Variants in PPP1R1C observed in about 807,000 individuals in gnomAD.
PPP1R1C encodes the protein protein phosphatase 1 regulatory subunit 1C.
In PPP1R1C, 15 loss-of-function variants were observed where a neutral mutation model predicts 17.4. The observed-to-expected ratio is 0.86, with a 90% CI of 0.58 to 1.33. The LOEUF is 1.33. PPP1R1C is among the 40% of genes most tolerant of loss of function. The pLI is 0.00. For missense variants in PPP1R1C, 143 were observed against 130.0 expected (o/e 1.10, Z -0.48); for synonymous variants, 35 against 43.1 (o/e 0.81, Z 0.73).
At chr2:182,078,210 T>A (rs1415629734) in intron 4 of PPP1R1C, among the ~76,000 whole-genome samples, 1 of 152,102 alleles carries the variant, frequency 6.6e-6, no homozygotes, top group Non-Finnish European at 1.5e-5. Flanking sequence ...TGGTATGAAA[T>A]GGGGTTAAAC....
At chr2:181,955,745 A>G (rs1684659957) in intron 1 of PPP1R1C, among the ~76,000 whole-genome samples, 1 of 152,222 alleles carries the variant, frequency 6.6e-6, no homozygotes, top group Non-Finnish European at 1.5e-5. Context: ...TTTTTCATAA[A>G]TAACACTTTT....
intron 4 of PPP1R1C, among the ~76,000 whole-genome samples, chr2:182,094,156 G>A (rs1688864102): frequency 6.6e-6 from 1 of 152,186 alleles, no homozygotes; most frequent in Non-Finnish European, 1.5e-5. Flanking sequence ...TGGAAGGCAA[G>A]GAGGAGCAAG....
chr2:182,105,089 T>C (rs537316075), intron 4 of PPP1R1C, among the ~76,000 whole-genome samples: 1 of 151,840 alleles, frequency 6.6e-6, no homozygotes, highest in African/African-American at 2.4e-5. Flanking sequence ...GGAAAAAAAA[T>C]GAAGGTTGAA....
chr2:181,997,207 C>T (rs1479018887), intron 2 of PPP1R1C, among the ~76,000 whole-genome samples: 5 of 140,856 alleles, frequency 3.5e-5, no homozygotes, highest in Non-Finnish European at 6.0e-5. Context: ...CCAGCCTGGG[C>T]GACAGAGCAA....
intron 4 of PPP1R1C, among the ~76,000 whole-genome samples, chr2:182,066,141 A>G (rs1687976731): frequency 6.6e-6 from 1 of 152,138 alleles, no homozygotes; most frequent in Non-Finnish European, 1.5e-5. Context: ...CATTGTTGGC[A>G]AATAGTGAGC....
rs756692250 is a variant in PPP1R1C at position 181,986,267 on chromosome 2, G to T, written c.81+76G>T. 8.4e-6 allele frequency: 10 copies of T among 1,185,386 alleles called. No homozygotes were observed. In the Admixed American group the frequency reaches 1.1e-4, roughly 13 times the overall value. 73.4% of individuals were successfully genotyped at this position (1,185,386 alleles called of 1,614,324 possible). On this transcript the variant is annotated intron_variant, in intron 1 of 4. Transcript: ENST00000682840. ...ATGCATTCTGGTTATTAATTGAAAG[G>T]TTCTTTACCTTTTGATTTTGCTAAC...
At chr2:182,033,644 G>A (rs1162601655) in intron 2 of PPP1R1C, among the ~76,000 whole-genome samples, 2 of 151,942 alleles carry the variant, frequency 1.3e-5, no homozygotes, top group Non-Finnish European at 2.9e-5. Context: ...CGATAACCTT[G>A]TCTCACTCCT....
chr2:182,094,044 A>G (rs1052810419), intron 4 of PPP1R1C, among the ~76,000 whole-genome samples: 1 of 152,158 alleles, frequency 6.6e-6, no homozygotes, highest in Non-Finnish European at 1.5e-5. Context: ...ATGAAGACAT[A>G]CCAGAGACTG....
At chr2:182,113,093 G>T (rs1559098049) in intron 4 of PPP1R1C, among the ~76,000 whole-genome samples, 5 of 152,126 alleles carry the variant, frequency 3.3e-5, no homozygotes. Flanking sequence ...CTTAATGCAG[G>T]AATTATCTAT....
upstream of PPP1R1C, among the ~76,000 whole-genome samples, chr2:181,983,215 G>A (rs1022054244): frequency 6.6e-6 from 1 of 152,152 alleles, no homozygotes. Context: ...CCATCATGAT[G>A]CTGTTGTGAT....
chr2:182,055,017 A>C (rs555235171), intron 2 of PPP1R1C, among the ~76,000 whole-genome samples: 1 of 151,896 alleles, frequency 6.6e-6, no homozygotes, highest in African/African-American at 2.4e-5. Flanking sequence ...AATTACTGCT[A>C]TGTTAGGACT....
chr2:181,966,529 T>C (rs529103000), intron 1 of PPP1R1C, among the ~76,000 whole-genome samples: 1 of 152,296 alleles, frequency 6.6e-6, no homozygotes, highest in Admixed American at 6.5e-5. Context: ...GGATATTGAA[T>C]TTTATCAAAT....
At chr2:182,055,237 G>A (rs138080779) in intron 2 of PPP1R1C, among the ~76,000 whole-genome samples, 1,862 of 152,236 alleles carry the variant, frequency 0.012, 19 homozygotes, top group South Asian at 0.038. Context: ...TTTTATCAGA[G>A]TATAGAAACT....
At chr2:182,068,339 G>A (rs968666066) in intron 4 of PPP1R1C, among the ~76,000 whole-genome samples, 6 of 152,132 alleles carry the variant, frequency 3.9e-5, no homozygotes, top group Admixed American at 1.3e-4. Context: ...TGAGAGTGGC[G>A]AATACTCCTC....
chr2:181,994,274 A>G (rs577349428), intron 2 of PPP1R1C, among the ~76,000 whole-genome samples: 64 of 152,148 alleles, frequency 4.2e-4, no homozygotes, highest in Non-Finnish European at 7.2e-4. Flanking sequence ...GACCAAAATG[A>G]AATTCATATT....
chr2:182,127,240 G>A (rs1689897114), intron 5 of PPP1R1C, among the ~76,000 whole-genome samples: 1 of 152,058 alleles, frequency 6.6e-6, no homozygotes, highest in African/African-American at 2.4e-5. Flanking sequence ...GGTGAGAGCA[G>A]TCTAGAGGGG....
chr2:182,048,581 A>ATT (rs1687413867), intron 2 of PPP1R1C, among the ~76,000 whole-genome samples: 1 of 152,260 alleles, frequency 6.6e-6, no homozygotes, highest in African/African-American at 2.4e-5. Flanking sequence ...GCAAATATAC[A>ATT]TGCAAAATGA....
At chr2:182,112,264 G>T (rs1196192279) in intron 4 of PPP1R1C, among the ~76,000 whole-genome samples, 1 of 152,134 alleles carries the variant, frequency 6.6e-6, no homozygotes, top group South Asian at 2.1e-4. Flanking sequence ...GTGTTTCCCA[G>T]AGTTCAGTCC....
chr2:181,979,817 A>G (rs11895963), intron 2 of PPP1R1C, among the ~76,000 whole-genome samples: 5,450 of 152,312 alleles, frequency 0.036, 336 homozygotes, highest in African/African-American at 0.12. Context: ...TGTGGATATC[A>G]GGGCCCAGCT....
Sources: gnomAD v4.1 joint callset for allele counts (sites outside exome capture counted in the v4.1 genomes callset) on GRCh38, gnomAD v4.1.1 for gene constraint, MANE v1.5 for transcripts, NCBI Gene and HGNC (gene_info 2026-07-23, HGNC 2026-07-21) for gene names.